NAV3: variants seen among roughly 807,000 people sequenced by gnomAD.
NAV3 encodes pore membrane and/or filament interacting like protein 1.
A neutral mutation model predicts 244.7 loss-of-function variants in NAV3; 87 were observed. The observed-to-expected ratio is 0.36, with a 90% CI of 0.30 to 0.42. NAV3 has a LOEUF of 0.42. Among genes scored for constraint, NAV3 ranks in the 20% least tolerant of loss-of-function variants. NAV3 has a pLI of 1.00. For synonymous variants in NAV3, 1,126 were observed against 1,042.2 expected (o/e 1.08, Z -1.55); for missense variants, 2,663 against 2,893.3 (o/e 0.92, Z 1.83).
At chr12:77,838,963 T>A (rs1215258927) in intron 1 of NAV3, among the ~76,000 whole-genome samples, 1 of 152,206 alleles carries the variant, frequency 6.6e-6, no homozygotes, top group Non-Finnish European at 1.5e-5. Flanking sequence ...CTGATTTTGT[T>A]CCATTAGTGA....
chr12:78,017,428 A>T (rs1348915059), intron 8 of NAV3, among the ~76,000 whole-genome samples: 1 of 152,076 alleles, frequency 6.6e-6, no homozygotes, highest in African/African-American at 2.4e-5. Flanking sequence ...GTGAGACCCT[A>T]TCTCAGAAAG....
At chr12:78,122,961 A>G (rs1473280333) in intron 16 of NAV3, among the ~76,000 whole-genome samples, 1 of 152,044 alleles carries the variant, frequency 6.6e-6, no homozygotes, top group East Asian at 1.9e-4. Context: ...AGAGAAAATT[A>G]TAGTGTCAGT....
At chr12:78,133,665 C>T (rs973190798) in intron 18 of NAV3, among the ~76,000 whole-genome samples, 1 of 152,058 alleles carries the variant, frequency 6.6e-6, no homozygotes, top group Non-Finnish European at 1.5e-5. Context: ...TAGTAGACTA[C>T]TGTGAGCTAC....
intron 2 of NAV3, among the ~76,000 whole-genome samples, chr12:77,642,123 C>T (rs972321505): frequency 6.6e-6 from 1 of 152,014 alleles, no homozygotes; most frequent in Non-Finnish European, 1.5e-5. Flanking sequence ...AGTTTAGTGT[C>T]ACAAAGATTG....
At chr12:78,002,973 C>A (rs1304507687) in intron 7 of NAV3, among the ~76,000 whole-genome samples, 1 of 151,534 alleles carries the variant, frequency 6.6e-6, no homozygotes, top group Non-Finnish European at 1.5e-5. Flanking sequence ...ACATAAATTA[C>A]ATACTGGCTG....
At chr12:77,740,699 A>G (rs1565793675) in intron 2 of NAV3, among the ~76,000 whole-genome samples, 1 of 152,102 alleles carries the variant, frequency 6.6e-6, no homozygotes, top group African/African-American at 2.4e-5. Context: ...GCCACTTTCT[A>G]AGAGGGTAAA....
chr12:78,180,786 G>A, intron 29 of NAV3, 85 bp from the exon 30 acceptor site: 1 of 1,028,516 alleles, frequency 9.7e-7, no homozygotes, highest in Non-Finnish European at 1.4e-6. Context: ...TAACAAACAA[G>A]CTAATTAACT....
intron 22 of NAV3, among the ~76,000 whole-genome samples, chr12:78,150,924 C>CT (rs1957058730): frequency 6.6e-6 from 1 of 151,870 alleles, no homozygotes; most frequent in South Asian, 2.1e-4. Flanking sequence ...TTTAAGTACT[C>CT]TTTTTATGTG....
chr12:77,673,555 G>A lies in NAV3; in HGVS notation c.72+101289G>A, dbSNP rs140506689. Among the ~76,000 whole-genome samples, 415 of 152,090 alleles carry A rather than the reference G, an allele frequency of 2.7e-3. 2 individuals carry two copies. Among genetic ancestry groups the A allele is most frequent in the African/African-American group, 9.4e-3 (392 of 41,520 alleles). On this transcript the variant is annotated intron_variant, in intron 2 of 8. Coordinates refer to the NAV3 transcript ENST00000550042. ...ATTTATTTTGATAAATATGAAAGATGCAATAATTTTTTGAACACTCCTCCA... is the reference window on the plus strand; with the variant it reads ...ATTTATTTTGATAAATATGAAAGATACAATAATTTTTTGAACACTCCTCCA...
intron 22 of NAV3, among the ~76,000 whole-genome samples, chr12:78,158,402 G>T (rs1489892602): frequency 1.3e-5 from 2 of 152,126 alleles, no homozygotes. Context: ...ATAAGGGCAT[G>T]CAAATGGAAA....
chr12:78,143,681 T>A (rs1956732710), intron 20 of NAV3, among the ~76,000 whole-genome samples: 2 of 147,500 alleles, frequency 1.4e-5, no homozygotes, highest in African/African-American at 5.0e-5. Flanking sequence ...GGAGAGGGAA[T>A]CTAAGCCAAC....
chr12:78,061,074 C>T (rs1397195092), intron 12 of NAV3, among the ~76,000 whole-genome samples: 1 of 151,654 alleles, frequency 6.6e-6, no homozygotes, highest in East Asian at 1.9e-4. Flanking sequence ...CCTGGACCAG[C>T]AGCAGCAGCA....
intron 3 of NAV3, among the ~76,000 whole-genome samples, chr12:77,960,905 A>G (rs1661641493): frequency 6.8e-6 from 1 of 146,668 alleles, no homozygotes; most frequent in Non-Finnish European, 1.5e-5. Flanking sequence ...CATATCATAT[A>G]TTCAATATAC....
chr12:77,708,646 T>G (rs1875953069), intron 2 of NAV3, among the ~76,000 whole-genome samples: 1 of 152,218 alleles, frequency 6.6e-6, no homozygotes, highest in Admixed American at 6.5e-5. Flanking sequence ...TAAATTACCT[T>G]GGGCAGTATG....
intron 12 of NAV3, among the ~76,000 whole-genome samples, chr12:78,069,676 A>C (rs1336401343): frequency 6.6e-6 from 1 of 152,088 alleles, no homozygotes; most frequent in Non-Finnish European, 1.5e-5. Context: ...TCTGATTTAT[A>C]TGCAGAACAA....
chr12:77,818,735 C>A (rs756506741), intron 2 of NAV3, among the ~76,000 whole-genome samples: 1 of 151,998 alleles, frequency 6.6e-6, no homozygotes, highest in Non-Finnish European at 1.5e-5. Flanking sequence ...TACCGCTCAT[C>A]GTTCACATTT....
chr12:77,678,879 G>T (rs1874324348), intron 2 of NAV3, among the ~76,000 whole-genome samples: 1 of 152,120 alleles, frequency 6.6e-6, no homozygotes, highest in Non-Finnish European at 1.5e-5. Flanking sequence ...TTAAGGGAGT[G>T]TGCCCAGTTC....
rs567860594 is a variant in NAV3 at position 78,212,574 on chromosome 12, G to A, written c.*2057G>A. 6.5e-6 allele frequency: 1 copy of A among 152,712 alleles called. No homozygotes were observed. The highest frequency in any genetic ancestry group is 2.1e-4 in the South Asian group (1 of 4,822). 9.5% of individuals were successfully genotyped at this position (152,712 alleles called of 1,614,324 possible). ...GAAACATCAATATATGTAGCTGGATGAGTGACTAGTTTCCCTTGTATAATA... is the reference window on the plus strand; with the variant it reads ...GAAACATCAATATATGTAGCTGGATAAGTGACTAGTTTCCCTTGTATAATA... On this transcript the variant is annotated 3_prime_UTR_variant, in exon 40 of 40. Transcript: ENST00000397909.
chr12:78,156,455 G>GA (rs1957309525), intron 22 of NAV3, among the ~76,000 whole-genome samples: 1 of 152,036 alleles, frequency 6.6e-6, no homozygotes, highest in Non-Finnish European at 1.5e-5. Flanking sequence ...CTTATAGCTA[G>GA]AAAATGTGAG....
Sources: allele counts gnomAD v4.1 joint callset (sites outside exome capture counted in the v4.1 genomes callset), GRCh38; gene constraint gnomAD v4.1.1; transcripts MANE v1.5; gene names NCBI Gene and HGNC (gene_info 2026-07-23, HGNC 2026-07-21).